MED13: variants seen among roughly 807,000 people sequenced by gnomAD.
MED13 encodes mediator complex subunit 13.
MED13 carries 23 observed loss-of-function variants against 225.2 expected under a neutral mutation model. The ratio of observed to expected loss-of-function variants is 0.10; its 90% CI spans 0.07 to 0.14. The LOEUF (loss-of-function observed/expected upper bound fraction) is 0.14. MED13 is among the 10% of genes least tolerant of loss of function. The pLI is 1.00. For synonymous variants in MED13, 942 were observed against 889.2 expected (o/e 1.06, Z -1.06); for missense variants, 2,197 against 2,594.5 (o/e 0.85, Z 3.33).
chr17:62,011,441 CA>C (rs1299927143), intron 8 of MED13, among the ~76,000 whole-genome samples: 1 of 152,080 alleles, frequency 6.6e-6, no homozygotes, highest in Non-Finnish European at 1.5e-5. Flanking sequence ...TCATAAAAGC[CA>C]ATTATCTCAT....
intron 11 of MED13, among the ~76,000 whole-genome samples, chr17:61,987,452 CA>C (rs1018931615): frequency 6.7e-6 from 1 of 149,736 alleles, no homozygotes; most frequent in African/African-American, 2.5e-5. Flanking sequence ...AAACAAAAAA[CA>C]AAAAAAAACC....
chr17:61,966,877 AT>A lies in MED13; in HGVS notation c.4192-227del, dbSNP rs532984773. 8.5e-5 allele frequency among the ~76,000 whole-genome samples: 13 copies of A among 152,076 alleles called. No homozygotes were observed. The South Asian group carries it at 1.0e-3, about 12-fold the overall frequency. ...TCATTTTTACATTAGAAATTCATTA[AT>A]TTTTTTTCAAAATTAAAATATCTCT... On this transcript the variant is annotated intron_variant, in intron 18 of 29. Coordinates refer to ENST00000397786, the MANE Select transcript of MED13 (RefSeq NM_005121.3).
chr17:62,050,571 T>C (rs371398044), intron 3 of MED13, among the ~76,000 whole-genome samples: 20 of 151,472 alleles, frequency 1.3e-4, no homozygotes, highest in African/African-American at 4.8e-4. Flanking sequence ...TCTTTCAAAA[T>C]TTTTAAACAG....
intron 9 of MED13, 159 bp downstream of exon 9, chr17:62,010,391 C>T (rs759851910): frequency 2.2e-6 from 1 of 459,142 alleles, no homozygotes; most frequent in Non-Finnish European, 3.6e-6. Flanking sequence ...GAAGAAGTTC[C>T]CTGAGGAAAA....
intron 16 of MED13, among the ~76,000 whole-genome samples, chr17:61,981,080 T>C (rs890470549): frequency 2.6e-5 from 4 of 151,670 alleles, no homozygotes; most frequent in Non-Finnish European, 2.9e-5. Flanking sequence ...TGGAGTGCAG[T>C]AGTGCGATCT....
intron 3 of MED13, among the ~76,000 whole-genome samples, chr17:62,048,841 A>G (rs2080926997): frequency 6.6e-6 from 1 of 152,182 alleles, no homozygotes; most frequent in African/African-American, 2.4e-5. Flanking sequence ...AGCTACTCAC[A>G]TACACAGAAC....
In MED13 at chr17:62,002,298, T is replaced by A. The variant is rs544126213; in HGVS notation, c.1968-6933A>T. Reference sequence around the variant, plus strand: ...TGAGGTAGGGAGTTCAAGACCAGCCTGGCCAACATGGCGAAACCCGTCTCT... The same window carrying A: ...TGAGGTAGGGAGTTCAAGACCAGCCAGGCCAACATGGCGAAACCCGTCTCT... On this transcript the variant is annotated intron_variant, in intron 9 of 29. Coordinates refer to ENST00000397786, the MANE Select transcript of MED13 (RefSeq NM_005121.3). Among the ~76,000 whole-genome samples, 441 of 152,204 alleles carry A rather than the reference T, an allele frequency of 2.9e-3. 4 individuals are homozygous for A. Among genetic ancestry groups the A allele is most frequent in the African/African-American group, 0.01 (419 of 41,548 alleles).
At chr17:62,053,531 A>G (rs1201836211) in intron 2 of MED13, among the ~76,000 whole-genome samples, 1 of 152,182 alleles carries the variant, frequency 6.6e-6, no homozygotes, top group Admixed American at 6.5e-5. Flanking sequence ...TATCCATTTC[A>G]TATCTGTCAC....
intron 14 of MED13, 54 bp from the exon 15 acceptor site, chr17:61,984,421 T>C: frequency 7.6e-7 from 1 of 1,321,486 alleles, no homozygotes; most frequent in Non-Finnish European, 1.0e-6. Flanking sequence ...GAGGAAAAAA[T>C]AAATAAACAA....
intron 23 of MED13, among the ~76,000 whole-genome samples, chr17:61,958,224 A>G (rs1382183357): frequency 2.3e-4 from 34 of 144,886 alleles, no homozygotes. Flanking sequence ...CTAGAGTGCA[A>G]TGGTATGGTC....
intron 1 of MED13, among the ~76,000 whole-genome samples, chr17:62,064,726 G>A (rs1337617976): frequency 1.3e-5 from 2 of 152,246 alleles, no homozygotes; most frequent in East Asian, 3.9e-4. Context: ...TTTACATGGG[G>A]AAACCAAATT....
intron 2 of MED13, 110 bp downstream of exon 2, chr17:62,062,957 G>T: frequency 1.5e-6 from 1 of 687,674 alleles, no homozygotes; most frequent in Non-Finnish European, 2.4e-6. Context: ...TTTTTATCTG[G>T]CCTCCTAAGT....
intron 8 of MED13, among the ~76,000 whole-genome samples, chr17:62,012,799 C>CT (rs1027058014): frequency 8.3e-4 from 120 of 145,142 alleles, no homozygotes; most frequent in Admixed American, 1.5e-3. Flanking sequence ...TACTGAGACA[C>CT]TTTTTTTTTT....
Position 61,944,838 on chromosome 17 carries a change from G to A in MED13, c.*1630C>T, listed in dbSNP as rs1445643937. 4.6e-5 allele frequency: 7 copies of A among 152,608 alleles called. No homozygotes were observed. Among genetic ancestry groups the A allele is most frequent in the Non-Finnish European group, 1.0e-4 (7 of 68,032 alleles). 9.5% of individuals were successfully genotyped at this position (152,608 alleles called of 1,614,324 possible). ...ACTGTGAATTCAAGTCAGCAATGCAGGTAGGAGGCGAACTTGGGCTCTTTT... is the reference window on the plus strand; with the variant it reads ...ACTGTGAATTCAAGTCAGCAATGCAAGTAGGAGGCGAACTTGGGCTCTTTT... On this transcript the variant is annotated 3_prime_UTR_variant, in exon 30 of 30. Transcript: ENST00000397786.
chr17:62,046,287 G>GGTAA (rs1235640595), intron 3 of MED13, among the ~76,000 whole-genome samples: 12 of 152,168 alleles, frequency 7.9e-5, no homozygotes, highest in Admixed American at 2.6e-4. Context: ...AAGGAAAAAG[G>GGTAA]GTAAGAAAGT....
chr17:62,008,145 C>T (rs895705659), intron 9 of MED13, among the ~76,000 whole-genome samples: 1 of 150,838 alleles, frequency 6.6e-6, no homozygotes, highest in South Asian at 2.1e-4. Flanking sequence ...GTGAAACCCC[C>T]GTCTCTACTA....
Position 62,065,130 on chromosome 17 carries a change from C to CGGCACTCACCAGGCAGAAGAGGTTACAGT in MED13, c.47_66+9dup. On this transcript the variant is annotated intron_variant, in intron 1 of 29. Transcript: ENST00000397786. ...CCCCTCCCTCGGCGCCCGCCGGCCC[C>CGGCACTCACCAGGCAGAAGAGGTTACAGT]GGCACTCACCAGGCAGAAGAGGTTA... The CGGCACTCACCAGGCAGAAGAGGTTACAGT allele has an allele frequency of 2.6e-6, 4 of 1,554,418 alleles. No homozygotes were observed. The Admixed American group carries it at 7.6e-5, about 30-fold the overall frequency.
intron 8 of MED13, among the ~76,000 whole-genome samples, chr17:62,026,806 G>C (rs903585504): frequency 1.3e-5 from 2 of 152,038 alleles, no homozygotes; most frequent in Non-Finnish European, 2.9e-5. Flanking sequence ...GCCAAGATGA[G>C]AGCCAAATCA....
At chr17:61,997,474 T>G (rs2080356332) in intron 9 of MED13, among the ~76,000 whole-genome samples, 1 of 152,180 alleles carries the variant, frequency 6.6e-6, no homozygotes, top group African/African-American at 2.4e-5. Context: ...AACGGTTAGC[T>G]GAATTGTCTA....
Sources: allele counts gnomAD v4.1 joint callset (sites outside exome capture counted in the v4.1 genomes callset), GRCh38; gene constraint gnomAD v4.1.1; transcripts MANE v1.5; gene names NCBI Gene and HGNC (gene_info 2026-07-23, HGNC 2026-07-21).